Variants in NCALD observed in about 807,000 individuals in gnomAD.
NCALD encodes the protein neurocalcin-delta.
NCALD carries 10 observed loss-of-function variants against 18.6 expected under a neutral mutation model. The ratio of observed to expected loss-of-function variants is 0.54; its 90% CI spans 0.33 to 0.91. The LOEUF (loss-of-function observed/expected upper bound fraction) is 0.91, where lower values mean the gene tolerates loss of function less well. NCALD is among the 40% of genes least tolerant of loss of function. The pLI is 0.03. For missense variants in NCALD, 184 were observed against 247.6 expected, an observed-to-expected ratio of 0.74 and a Z score of 1.72; for synonymous variants, 88 against 87.4, an observed-to-expected ratio of 1.01 and a Z score of -0.04.
chr8:102,006,357 A>T (rs1201557019), intron 2 of NCALD, among the ~76,000 whole-genome samples: 2 of 152,006 alleles, frequency 1.3e-5, no homozygotes, highest in African/African-American at 4.8e-5. Flanking sequence ...CATAGTAGCT[A>T]TAAATTAATA....
At chr8:101,873,636 T>C (rs1396991243) in intron 4 of NCALD, among the ~76,000 whole-genome samples, 2 of 152,166 alleles carry the variant, frequency 1.3e-5, no homozygotes, top group Non-Finnish European at 2.9e-5. Flanking sequence ...ATCATGGAGA[T>C]GGGACCTGAA....
chr8:102,119,765 G>A (rs919752396), intron 1 of NCALD, among the ~76,000 whole-genome samples: 2 of 152,110 alleles, frequency 1.3e-5, no homozygotes, highest in Admixed American at 1.3e-4. Context: ...CCCTAATTAT[G>A]TCTTGCACTT....
At chr8:101,970,409 A>G (rs1360774267) in intron 2 of NCALD, among the ~76,000 whole-genome samples, 3 of 152,148 alleles carry the variant, frequency 2.0e-5, no homozygotes, top group African/African-American at 4.8e-5. Context: ...TTTTCCATCA[A>G]TGGTACTGCC....
chr8:102,049,025 T>C (rs1823341123), intron 1 of NCALD, among the ~76,000 whole-genome samples: 1 of 152,204 alleles, frequency 6.6e-6, no homozygotes, highest in African/African-American at 2.4e-5. Context: ...TTTGTCTGCT[T>C]ATCATATGTG....
At chr8:102,062,650 G>A (rs1235012195) in intron 1 of NCALD, among the ~76,000 whole-genome samples, 5 of 152,194 alleles carry the variant, frequency 3.3e-5, no homozygotes, top group Admixed American at 6.5e-5. Flanking sequence ...CAGATCTGTC[G>A]GTTGGCTAGA....
chr8:101,841,633 C>T (rs1321493831), intron 4 of NCALD, among the ~76,000 whole-genome samples: 2 of 152,138 alleles, frequency 1.3e-5, no homozygotes, highest in South Asian at 2.1e-4. Flanking sequence ...TTACAGAACC[C>T]TGCTTATAGT....
intron 1 of NCALD, among the ~76,000 whole-genome samples, chr8:102,096,145 C>G (rs1253244168): frequency 6.6e-6 from 1 of 152,212 alleles, no homozygotes; most frequent in Non-Finnish European, 1.5e-5. Context: ...AGGGTAAATA[C>G]TGGTCCAAGG....
intron 4 of NCALD, among the ~76,000 whole-genome samples, chr8:101,842,626 G>A (rs1814690557): frequency 6.6e-6 from 1 of 152,192 alleles, no homozygotes; most frequent in Admixed American, 6.5e-5. Context: ...GACAGGGAAG[G>A]GGGCTGTGCC....
chr8:102,005,524 T>G (rs931848781), intron 2 of NCALD, among the ~76,000 whole-genome samples: 5 of 152,200 alleles, frequency 3.3e-5, no homozygotes, highest in African/African-American at 2.4e-5. Context: ...ATCCCATTAC[T>G]GGGTATATAC....
At chr8:101,710,387 G>C (rs1044324953) in intron 2 of NCALD, among the ~76,000 whole-genome samples, 3 of 152,136 alleles carry the variant, frequency 2.0e-5, no homozygotes, top group African/African-American at 7.2e-5. Flanking sequence ...TTGTACTCCA[G>C]TGGTGCCTGG....
At chr8:102,022,826 A>C (rs1425020660) in intron 1 of NCALD, among the ~76,000 whole-genome samples, 1 of 152,098 alleles carries the variant, frequency 6.6e-6, no homozygotes, top group Non-Finnish European at 1.5e-5. Flanking sequence ...GTTCCCGAGA[A>C]AGAGGCTTCC....
chr8:101,825,608 C>A (rs1046539696), intron 4 of NCALD, among the ~76,000 whole-genome samples: 1 of 152,178 alleles, frequency 6.6e-6, no homozygotes, highest in Non-Finnish European at 1.5e-5. Context: ...AACTTCTGGA[C>A]CTAAGTGGCA....
At chr8:101,959,229 T>G (rs1365849035) in intron 2 of NCALD, among the ~76,000 whole-genome samples, 1 of 152,190 alleles carries the variant, frequency 6.6e-6, no homozygotes, top group Non-Finnish European at 1.5e-5. Context: ...AGTTATTTTT[T>G]TTTAATGGCC....
At chr8:101,749,151 C>T (rs775987207) in intron 1 of NCALD, among the ~76,000 whole-genome samples, 4 of 152,208 alleles carry the variant, frequency 2.6e-5, no homozygotes, top group Non-Finnish European at 5.9e-5. Context: ...CAGGGTTCCA[C>T]AGTGGATTAG....
intron 4 of NCALD, among the ~76,000 whole-genome samples, chr8:101,858,066 T>C (rs529091284): frequency 2.0e-4 from 30 of 152,298 alleles, no homozygotes; most frequent in African/African-American, 7.2e-4. Context: ...CCACCATATA[T>C]ACAAACTTCA....
At chr8:102,080,268 A>C (rs1824482858) in intron 1 of NCALD, among the ~76,000 whole-genome samples, 1 of 152,192 alleles carries the variant, frequency 6.6e-6, no homozygotes, top group Non-Finnish European at 1.5e-5. Context: ...CCTTTATTTA[A>C]ACCACCTCCA....
chr8:101,945,698 A>T (rs1320144478), intron 2 of NCALD, among the ~76,000 whole-genome samples: 1 of 152,176 alleles, frequency 6.6e-6, no homozygotes, highest in Non-Finnish European at 1.5e-5. Flanking sequence ...CTTGGTTTTG[A>T]TAGATGTGTC....
intron 2 of NCALD, among the ~76,000 whole-genome samples, chr8:101,926,135 G>A (rs1297294012): frequency 6.6e-6 from 1 of 152,114 alleles, no homozygotes; most frequent in Non-Finnish European, 1.5e-5. Flanking sequence ...TCCCTCCTGG[G>A]CATTTAAATC....
intron 1 of NCALD, among the ~76,000 whole-genome samples, chr8:102,109,516 G>C (rs968305933): frequency 6.6e-6 from 1 of 152,160 alleles, no homozygotes; most frequent in Non-Finnish European, 1.5e-5. Context: ...GTGCAGAGCA[G>C]GCTGTCCCAT....
Sources: allele counts gnomAD v4.1 joint callset (sites outside exome capture counted in the v4.1 genomes callset), GRCh38; gene constraint gnomAD v4.1.1; transcripts MANE v1.5; gene names NCBI Gene and HGNC (gene_info 2026-07-23, HGNC 2026-07-21).